Variants in SLC2A3 observed in about 807,000 individuals in gnomAD.
SLC2A3 encodes the protein solute carrier family 2, facilitated glucose transporter member 3.
SLC2A3 carries 21 observed loss-of-function variants against 46.4 expected under a neutral mutation model. The ratio of observed to expected loss-of-function variants is 0.45; its 90% confidence interval spans 0.32 to 0.65. The LOEUF (loss-of-function observed/expected upper bound fraction) is 0.65, where lower values mean the gene tolerates loss of function less well. SLC2A3 is among the 30% of genes least tolerant of loss of function. SLC2A3 has a pLI of 0.04. For synonymous variants in SLC2A3, 213 were observed against 239.4 expected (o/e 0.89, Z 1.02); for missense variants, 499 against 623.3 (o/e 0.80, Z 2.12).
rs1023181974 is a variant in SLC2A3 at position 7,920,069 on chromosome 12, C to T, written c.*1344G>A. 1.2e-4 allele frequency: 19 copies of T among 152,338 alleles called. No individual in the cohort carries two copies. Among genetic ancestry groups the T allele is most frequent in the African/African-American group, 4.3e-4 (18 of 41,404 alleles). 9.4% of individuals were successfully genotyped at this position (152,338 alleles called of 1,614,324 possible). On this transcript the variant is annotated 3_prime_UTR_variant, in exon 10 of 10. Coordinates refer to ENST00000075120, the MANE Select transcript of SLC2A3 (RefSeq NM_006931.3). Reference sequence around the variant, plus strand: ...CCACAGTGACATGGTAACAGACATACGCAAGCGTGCCGTGAGCCTAAAGCA... The same window carrying T: ...CCACAGTGACATGGTAACAGACATATGCAAGCGTGCCGTGAGCCTAAAGCA...
chr12:7,932,382 T>G (rs1946165458), intron 3 of SLC2A3, among the ~76,000 whole-genome samples: 1 of 152,094 alleles, frequency 6.6e-6, no homozygotes, highest in East Asian at 1.9e-4. Context: ...TTTGCCATGT[T>G]GGCCAGGCTG....
At chr12:7,928,941 C>A (rs898231923) in intron 6 of SLC2A3, among the ~76,000 whole-genome samples, 1 of 151,886 alleles carries the variant, frequency 6.6e-6, no homozygotes, top group Non-Finnish European at 1.5e-5. Flanking sequence ...CAGGCATGAG[C>A]AGCCACCACA....
chr12:7,922,726 G>C, intron 9 of SLC2A3, 95 bp downstream of exon 9: 1 of 1,540,554 alleles, frequency 6.5e-7, no homozygotes, highest in Non-Finnish European at 8.8e-7. Context: ...TTACAGGCAT[G>C]AGCCACCATG....
Position 7,921,390 on chromosome 12 carries a change from A to G in SLC2A3, c.*23T>C. 6.2e-7 allele frequency: 1 copy of G among 1,613,760 alleles called. No homozygotes were observed. Among genetic ancestry groups the G allele is most frequent in the Non-Finnish European group, 8.5e-7 (1 of 1,179,756 alleles). On this transcript the variant is annotated 3_prime_UTR_variant, in exon 10 of 10. Coordinates refer to ENST00000075120, the MANE Select transcript of SLC2A3 (RefSeq NM_006931.3). ...GGAGAGGTGGCTTTCCCATGCCGGG[A>G]GGGAGGTGGAAGGAGGCACGACTTA...
intron 6 of SLC2A3, among the ~76,000 whole-genome samples, chr12:7,928,766 T>C (rs1060744): frequency 0.42 from 63,138 of 151,500 alleles, 13,452 homozygotes; most frequent in East Asian, 0.78. Context: ...ATGAAGAAAT[T>C]TGAGACTGGG....
At chr12:7,935,210 T>C (rs1396653924) in intron 1 of SLC2A3, among the ~76,000 whole-genome samples, 1 of 152,164 alleles carries the variant, frequency 6.6e-6, no homozygotes, top group Non-Finnish European at 1.5e-5. Context: ...TCTCAGCACC[T>C]TGGGAGGCCG....
At chr12:7,930,791 GGTTT>G in intron 4 of SLC2A3, 149 bp from the exon 5 acceptor site, 1 of 501,480 alleles carries the variant, frequency 2.0e-6, no homozygotes, top group Non-Finnish European at 3.0e-6. Context: ...TACTCAGCAT[GGTTT>G]TTTTTTTTTT....
Position 7,925,909 on chromosome 12 carries a change from C to A in SLC2A3, c.901G>T (p.Val301Phe). Residue 301 changes from valine to phenylalanine, a missense_variant, in exon 7 of 10, where the codon GTT becomes TTT. By Grantham distance (50) the Val-to-Phe change is conservative. Transcript: ENST00000075120. ...YSTGIFKDAGVQEPIYATIGA... is the reference protein window; with the variant it reads ...YSTGIFKDAGFQEPIYATIGA... Reference sequence around the variant, plus strand: ...ATGGTGGCATAGATGGGCTCTTGAACACCTGCATCCTTGAAGATTCCTGTT... The same window carrying A: ...ATGGTGGCATAGATGGGCTCTTGAAAACCTGCATCCTTGAAGATTCCTGTT... The A allele has an allele frequency of 6.2e-7, 1 of 1,613,798 alleles. No homozygotes were observed. Among genetic ancestry groups the A allele is most frequent in the Non-Finnish European group, 8.5e-7 (1 of 1,179,796 alleles).
chr12:7,921,881 T>G (rs1052580549), intron 9 of SLC2A3, among the ~76,000 whole-genome samples: 1 of 152,148 alleles, frequency 6.6e-6, no homozygotes, highest in Non-Finnish European at 1.5e-5. Context: ...TTTGGACTTT[T>G]GAGTATTATT....
At chr12:7,929,955 C>A in intron 5 of SLC2A3, 84 bp from the exon 6 acceptor site, 1 of 1,583,106 alleles carries the variant, frequency 6.3e-7, no homozygotes, top group Non-Finnish European at 8.6e-7. Flanking sequence ...CAGGAAAGGG[C>A]CGCACGAGGT....
chr12:7,933,980 T>C, intron 1 of SLC2A3, 78 bp from the exon 2 acceptor site: 1 of 1,393,716 alleles, frequency 7.2e-7, no homozygotes, highest in Non-Finnish European at 1.0e-6. Flanking sequence ...ATTATGGAGC[T>C]GTATTAGGAG....
In SLC2A3 at chr12:7,929,917, C is replaced by T. The variant is rs755526096; in HGVS notation, c.674-46G>A. On this transcript the variant is annotated intron_variant, in intron 5 of 9. Transcript: ENST00000075120. ...GAAAGGATAAAAGAGAATGTGCTGC[C>T]CCAAATTCATTCTTCCTGTAAGGCA... is the stretch of plus-strand genomic sequence containing the variant. 3.8e-5 allele frequency: 62 copies of T among 1,612,680 alleles called. 1 individual carries two copies. The South Asian group carries it at 5.5e-4, about 14-fold the overall frequency.
At chr12:7,926,876 T>C (rs909473514) in intron 6 of SLC2A3, among the ~76,000 whole-genome samples, 2 of 152,120 alleles carry the variant, frequency 1.3e-5, no homozygotes, top group African/African-American at 4.8e-5. Context: ...AAATAAATTA[T>C]TATGTTGTTT....
At chr12:7,931,528 A>G in intron 3 of SLC2A3, 43 bp from the exon 4 acceptor site, 1 of 1,611,740 alleles carries the variant, frequency 6.2e-7, no homozygotes, top group Non-Finnish European at 8.5e-7. Context: ...GCAAAGTGAG[A>G]GGCTCCTAAC....
rs1448752740 is a variant in SLC2A3, at chr12:7,921,360, T to C, written c.*53A>G. The C allele has an allele frequency of 1.1e-5, 17 of 1,613,176 alleles. No individual in the cohort carries two copies. In the East Asian group the frequency reaches 3.6e-4, roughly 34 times the overall value. ...TCATCCTGATGAGGTCTCTCCCTTG[T>C]TGAGGGAGAGGTGGCTTTCCCATGC... On this transcript the variant is annotated 3_prime_UTR_variant, in exon 10 of 10. Transcript: ENST00000075120.
chr12:7,935,255 C>T (rs776158911), intron 1 of SLC2A3, among the ~76,000 whole-genome samples: 8 of 152,078 alleles, frequency 5.3e-5, no homozygotes, highest in Non-Finnish European at 1.0e-4. Context: ...GGAGTCGAGA[C>T]CAGCCTGACC....
chr12:7,923,730 G>T (rs1946064366), intron 8 of SLC2A3, among the ~76,000 whole-genome samples: 1 of 151,618 alleles, frequency 6.6e-6, no homozygotes, highest in Admixed American at 6.6e-5. Flanking sequence ...AAAGTGTTGT[G>T]ATGACAGGCA....
intron 1 of SLC2A3, among the ~76,000 whole-genome samples, chr12:7,935,513 A>G (rs776544927): frequency 2.0e-5 from 3 of 152,190 alleles, no homozygotes; most frequent in Non-Finnish European, 1.5e-5. Context: ...ATATTTTAGT[A>G]TGTCCTGCAC....
chr12:7,928,909 T>A (rs922459362), intron 6 of SLC2A3, among the ~76,000 whole-genome samples: 2 of 151,802 alleles, frequency 1.3e-5, no homozygotes, highest in Non-Finnish European at 2.9e-5. Flanking sequence ...CACCTCAGCC[T>A]CCCGAGTAGT....
Sources: allele counts gnomAD v4.1 joint callset (sites outside exome capture counted in the v4.1 genomes callset), GRCh38; gene constraint gnomAD v4.1.1; transcripts MANE v1.5; gene names NCBI Gene and HGNC (gene_info 2026-07-23, HGNC 2026-07-21).